The following ASAH1 variants were observed in gnomAD, a reference collection of about 807,000 sequenced individuals.
The protein encoded by ASAH1 is N-acylsphingosine amidohydrolase 1, also known as acid ceramidase.
In ASAH1, 70 loss-of-function variants were observed where a neutral mutation model predicts 59.5. The ratio of observed to expected loss-of-function variants is 1.18; its 90% CI spans 0.97 to 1.43. The LOEUF (loss-of-function observed/expected upper bound fraction) is 1.43. Among genes scored for constraint, ASAH1 ranks in the 40% most tolerant of loss-of-function variants. The pLI is 0.00. For synonymous variants in ASAH1, 213 were observed against 166.5 expected (o/e 1.28, Z -2.15); for missense variants, 660 against 482.5 (o/e 1.37, Z -3.45).
Position 18,061,380 on chromosome 8 carries a change from G to C in ASAH1, c.782C>G (p.Thr261Arg), listed in dbSNP as rs1166871853. 2 of 1,609,200 alleles carry C rather than the reference G, an allele frequency of 1.2e-6. No homozygotes were observed. The highest frequency in any genetic ancestry group is 1.7e-5 in the Admixed American group (1 of 60,012). Residue 261 changes from threonine to arginine, a missense_variant, in exon 10 of 14, where the codon ACA (threonine) becomes AGA (arginine). Coordinates refer to ENST00000637790, the MANE Select transcript of ASAH1 (RefSeq NM_177924.5). ...FLTRTVLENS[T>R]SYEEAKNLLT... ...GTAAAGCAACGAAACACTTTACCTTGTGCTATTTTCCAGAACTGTTCTAGT... is the reference window on the plus strand; with the variant it reads ...GTAAAGCAACGAAACACTTTACCTTCTGCTATTTTCCAGAACTGTTCTAGT...
intron 1 of ASAH1, 43 bp downstream of exon 1, chr8:18,083,938 C>G: frequency 6.3e-7 from 1 of 1,580,620 alleles, no homozygotes; most frequent in Non-Finnish European, 8.5e-7. Flanking sequence ...TCCGCGCCCG[C>G]ACCTGCACGC....
chr8:18,074,414 G>A (rs139413452), intron 2 of ASAH1, among the ~76,000 whole-genome samples: 3 of 152,264 alleles, frequency 2.0e-5, no homozygotes, highest in African/African-American at 4.8e-5. Flanking sequence ...ACAGTTTCAC[G>A]CTATCTGGGA....
Position 18,059,623 on chromosome 8 carries a change from C to A in ASAH1, c.866G>T (p.Gly289Val). 1 of 1,614,190 alleles carries A rather than the reference C, an allele frequency of 6.2e-7. No homozygotes were observed. Among genetic ancestry groups the A allele is most frequent in the Admixed American group, 1.7e-5 (1 of 60,014 alleles). ...AYFILGGNQSGEGCVITRDRK... is the reference protein window; with the variant it reads ...AYFILGGNQSVEGCVITRDRK... ...GTCTCGTGTAATCACACAACCTTCC[C>A]CAGACTGGTTGCCTCCCAGGATAAA... The change falls in exon 11 of 14, where the codon GGG becomes GTG. Residue 289 changes from glycine (G) to valine (V), a missense_variant. Transcript: ENST00000637790.
Position 18,061,599 on chromosome 8 carries a change from T to G in ASAH1, c.703+87A>C, listed in dbSNP as rs559935190. On this transcript the variant is annotated intron_variant, in intron 9 of 13. Transcript: ENST00000637790. ...GTAACCAGTCGGGAACCGGAAGAGG[T>G]TGGACTTTGTAACCAGAAGGCACAG... 14 of 1,484,528 alleles carry G rather than the reference T, an allele frequency of 9.4e-6. No individual in the cohort carries two copies. The African/African-American group carries it at 9.7e-5, about 10-fold the overall frequency. 92.0% of individuals were successfully genotyped at this position (1,484,528 alleles called of 1,614,324 possible). A position where few individuals can be genotyped will look rare whatever the true frequency, so the allele number is the denominator to read the frequency against.
intron 13 of ASAH1, chr8:18,058,606 G>C (rs958331123): frequency 1.6e-5 from 9 of 550,046 alleles, no homozygotes; most frequent in African/African-American, 7.6e-5. Context: ...CAAATGCTAT[G>C]TAAATAAAGC....
At chr8:18,061,198 T>TA (rs763202629) in intron 10 of ASAH1, 179 bp downstream of exon 10, 12 of 544,100 alleles carry the variant, frequency 2.2e-5, no homozygotes, top group Non-Finnish European at 3.6e-5. Context: ...TTATTTGCTA[T>TA]AAAACACACA....
chr8:18,084,226 G>T (rs1331068371), upstream of ASAH1: 1 of 1,485,098 alleles, frequency 6.7e-7, no homozygotes, highest in African/African-American at 1.4e-5. Context: ...AGGAGAGGAC[G>T]GGGCTTTTCA....
At chr8:18,068,683 C>T (rs1168911950) in intron 4 of ASAH1, 1 of 152,462 alleles carries the variant, frequency 6.6e-6, no homozygotes, top group Non-Finnish European at 1.5e-5. Flanking sequence ...CTGCAATGCA[C>T]ATGACAGCCC....
chr8:18,066,599 G>C (rs753222842), intron 5 of ASAH1: 2 of 151,928 alleles, frequency 1.3e-5, no homozygotes, highest in African/African-American at 4.8e-5. Context: ...ATTATCAAGA[G>C]GAGAAAACTG....
intron 2 of ASAH1, 62 bp from the exon 3 acceptor site, chr8:18,071,452 T>C (rs1371217295): frequency 9.2e-7 from 1 of 1,089,258 alleles, no homozygotes; most frequent in South Asian, 1.3e-5. Flanking sequence ...GTCAGTTAGA[T>C]ACATCTATAA....
intron 1 of ASAH1, among the ~76,000 whole-genome samples, chr8:18,081,058 C>T (rs1800631024): frequency 6.6e-6 from 1 of 152,170 alleles, no homozygotes; most frequent in Non-Finnish European, 1.5e-5. Flanking sequence ...GAGTGGCCTG[C>T]TGGATGCCTC....
chr8:18,067,835 T>C (rs1464719683), intron 4 of ASAH1: 1 of 152,240 alleles, frequency 6.6e-6, no homozygotes, highest in Non-Finnish European at 1.5e-5. Context: ...CCAGAGACAT[T>C]GAGCAAATTC....
At position 18,067,186 on chromosome 8, in the gene ASAH1, ACTTTTTTTTTTAAAG is replaced by A; in HGVS notation, c.382+19_382+33del. 5 of 1,395,622 alleles carry A rather than the reference ACTTTTTTTTTTAAAG, an allele frequency of 3.6e-6. No individual in the cohort carries two copies. Among genetic ancestry groups the A allele is most frequent in the Non-Finnish European group, 4.9e-6 (5 of 1,017,360 alleles). The allele number at this position is 1,395,622 out of a possible 1,614,324, so 86.5% of individuals were successfully genotyped here. A position where few individuals can be genotyped will look rare whatever the true frequency, so the allele number is the denominator to read the frequency against. ...TGGAAACTTGTAAAAGAATTTAATT[ACTTTTTTTTTTAAAG>A]CTTCTAAGTGAACTTTACCTAAAGG... On this transcript the variant is annotated intron_variant, in intron 5 of 13. Coordinates refer to ENST00000637790, the MANE Select transcript of ASAH1 (RefSeq NM_177924.5).
intron 12 of ASAH1, 192 bp from the exon 13 acceptor site, chr8:18,059,083 C>T: frequency 1.7e-6 from 1 of 582,882 alleles, no homozygotes; most frequent in Non-Finnish European, 2.8e-6. Flanking sequence ...CCTCTCTCTC[C>T]TTCCCCTTTT....
chr8:18,080,759 T>C (rs747279732), intron 1 of ASAH1, among the ~76,000 whole-genome samples: 7 of 152,152 alleles, frequency 4.6e-5, no homozygotes, highest in African/African-American at 1.4e-4. Flanking sequence ...GGTTTCTCCA[T>C]GTTGGCCAGG....
chr8:18,084,304 C>T, upstream of ASAH1: 4 of 1,430,444 alleles, frequency 2.8e-6, 1 homozygote, highest in South Asian at 5.9e-5. Context: ...AGGAGAGTCG[C>T]GATCGCCTTT....
intron 10 of ASAH1, 73 bp downstream of exon 10, chr8:18,061,304 G>A (rs950095533): frequency 6.1e-6 from 8 of 1,302,960 alleles, no homozygotes; most frequent in African/African-American, 1.5e-5. Flanking sequence ...GCTGGAGCTT[G>A]ACAAATATTT....
chr8:18,080,099 T>C (rs1800590254), intron 1 of ASAH1, among the ~76,000 whole-genome samples: 1 of 152,128 alleles, frequency 6.6e-6, no homozygotes, highest in Non-Finnish European at 1.5e-5. Context: ...TTGGGAGAAG[T>C]AGGGAAAAGC....
intron 3 of ASAH1, 45 bp downstream of exon 3, chr8:18,071,255 A>AAAT: frequency 1.0e-6 from 1 of 976,770 alleles, no homozygotes; most frequent in African/African-American, 1.8e-5. Context: ...AAATAAAATA[A>AAAT]AAAATAAAAA....
Sources: allele counts gnomAD v4.1 joint callset (sites outside exome capture counted in the v4.1 genomes callset), GRCh38; gene constraint gnomAD v4.1.1; transcripts MANE v1.5; gene names NCBI Gene and HGNC (gene_info 2026-07-23, HGNC 2026-07-21).